The following ASTN1 variants were observed in gnomAD, a reference collection of about 807,000 sequenced individuals.
ASTN1 encodes astrotactin 1, also known as astrotactin-1.
In ASTN1, 41 loss-of-function variants were observed where a neutral mutation model predicts 140.7. The ratio of observed to expected loss-of-function variants is 0.29; its 90% CI spans 0.23 to 0.38. The LOEUF is 0.38. Ranked by LOEUF, ASTN1 falls within the 10% of genes least tolerant of loss-of-function variation. The pLI is 1.00. For missense variants in ASTN1, 1,479 were observed against 1,678.8 expected, an observed-to-expected ratio of 0.88 and a Z score of 2.08; for synonymous variants, 640 against 652.2, an observed-to-expected ratio of 0.98 and a Z score of 0.29.
intron 8 of ASTN1, among the ~76,000 whole-genome samples, chr1:176,994,537 T>C (rs1328883399): frequency 6.6e-6 from 1 of 152,126 alleles, no homozygotes; most frequent in Non-Finnish European, 1.5e-5. Flanking sequence ...GAGATAGGGT[T>C]TCATCATGTT....
chr1:176,877,975 A>G (rs1668633521), intron 20 of ASTN1, among the ~76,000 whole-genome samples: 1 of 152,170 alleles, frequency 6.6e-6, no homozygotes, highest in Non-Finnish European at 1.5e-5. Flanking sequence ...AGAAAAGACA[A>G]CCATGGCCCA....
chr1:177,146,202 G>A (rs13375301), intron 1 of ASTN1, among the ~76,000 whole-genome samples: 24,606 of 152,052 alleles, frequency 0.16, 4,095 homozygotes, highest in African/African-American at 0.43. Flanking sequence ...GAAGACAGAT[G>A]GATACTCATC....
At chr1:177,028,727 T>C (rs1479044575) in intron 5 of ASTN1, among the ~76,000 whole-genome samples, 1 of 152,184 alleles carries the variant, frequency 6.6e-6, no homozygotes, top group Non-Finnish European at 1.5e-5. Context: ...ACAGCAACAA[T>C]AGGGATTTCA....
intron 2 of ASTN1, 47 bp downstream of exon 2, chr1:177,061,031 G>A: frequency 6.9e-7 from 1 of 1,448,518 alleles, no homozygotes; most frequent in African/African-American, 1.4e-5. Flanking sequence ...TTAATGTCAA[G>A]GTAACATAAG....
chr1:177,087,949 C>T (rs998775827), intron 1 of ASTN1, among the ~76,000 whole-genome samples: 1 of 152,224 alleles, frequency 6.6e-6, no homozygotes, highest in Non-Finnish European at 1.5e-5. Context: ...GGCTGCATTT[C>T]AGCACCAGCT....
intron 1 of ASTN1, among the ~76,000 whole-genome samples, chr1:177,124,505 G>A (rs1452747516): frequency 6.6e-6 from 1 of 152,150 alleles, no homozygotes; most frequent in Non-Finnish European, 1.5e-5. Context: ...GCTTCATGGC[G>A]CTTTGGCTAA....
In ASTN1 at chr1:177,088,049, C is replaced by T. The variant is rs1679565304; in HGVS notation, c.284-26784G>A. 2.0e-5 allele frequency among the ~76,000 whole-genome samples: 3 copies of T among 152,200 alleles called. No individual in the cohort carries two copies. In the South Asian group the frequency reaches 6.2e-4, roughly 32 times the overall value. Reference sequence around the variant, plus strand: ...GTGTACCTGTAAGGTATTATCATCACCTAATCTTTTTCTACCTTCAACTCC... The same window carrying T: ...GTGTACCTGTAAGGTATTATCATCATCTAATCTTTTTCTACCTTCAACTCC... On this transcript the variant is annotated intron_variant, in intron 1 of 22. Coordinates refer to ENST00000361833, the MANE Select transcript of ASTN1 (RefSeq NM_004319.3).
chr1:176,957,944 TA>T (rs1246024042), intron 10 of ASTN1, 116 bp from the exon 11 acceptor site: 69 of 1,302,712 alleles, frequency 5.3e-5, no homozygotes, highest in Non-Finnish European at 6.9e-5. Flanking sequence ...CTCTGTCTTA[TA>T]AAAATTGAAG....
intron 1 of ASTN1, among the ~76,000 whole-genome samples, chr1:177,071,377 G>C (rs1384097843): frequency 1.3e-5 from 2 of 152,176 alleles, no homozygotes; most frequent in South Asian, 4.1e-4. Flanking sequence ...TCAGGGAAGA[G>C]GGAAGGAGCA....
chr1:177,143,640 A>G (rs1395151855), intron 1 of ASTN1, among the ~76,000 whole-genome samples: 1 of 152,244 alleles, frequency 6.6e-6, no homozygotes, highest in Non-Finnish European at 1.5e-5. Context: ...ACTTGAAATG[A>G]AAGTCACTTT....
Position 176,949,295 on chromosome 1 carries a change from G to C in ASTN1, c.1944C>G (p.Ile648Met), listed in dbSNP as rs1384820666. The part of the protein sequence containing the change: ...KDSSGCYDRH[I>M]GVDCSDGFNG... ...TGAAGCCGTCGGAACAGTCCACCCC[G>C]ATGTGGCGGTCATAGCAGCCAGAGC... is the stretch of plus-strand genomic sequence containing the variant. Residue 648 changes from isoleucine to methionine, a missense_variant, in exon 12 of 23, where the codon ATC becomes ATG. By Grantham distance (10) the Ile-to-Met change is conservative. Coordinates refer to ENST00000361833, the MANE Select transcript of ASTN1 (RefSeq NM_004319.3). The C allele has an allele frequency of 1.9e-6, 3 of 1,614,000 alleles. No homozygotes were observed. The highest frequency in any genetic ancestry group is 2.5e-6 in the Non-Finnish European group (3 of 1,180,026).
intron 13 of ASTN1, among the ~76,000 whole-genome samples, chr1:176,945,654 G>T (rs760046812): frequency 6.6e-6 from 1 of 152,268 alleles, no homozygotes; most frequent in South Asian, 2.1e-4. Context: ...GAGCATTTTC[G>T]TGTGGGCTTC....
chr1:176,937,551 A>G (rs897538657), intron 14 of ASTN1, among the ~76,000 whole-genome samples: 1 of 152,148 alleles, frequency 6.6e-6, no homozygotes, highest in Non-Finnish European at 1.5e-5. Context: ...AGCCATTACT[A>G]TAAATATAAA....
intron 1 of ASTN1, among the ~76,000 whole-genome samples, chr1:177,153,202 G>C (rs1683111251): frequency 6.6e-6 from 1 of 152,074 alleles, no homozygotes; most frequent in Non-Finnish European, 1.5e-5. Flanking sequence ...TTCCCTCTAA[G>C]AGCTGGTTGT....
At chr1:177,125,722 A>G (rs1281833999) in intron 1 of ASTN1, among the ~76,000 whole-genome samples, 1 of 152,190 alleles carries the variant, frequency 6.6e-6, no homozygotes, top group East Asian at 1.9e-4. Flanking sequence ...TGGGACCTCA[A>G]TCTCAAAAAG....
intron 1 of ASTN1, among the ~76,000 whole-genome samples, chr1:177,143,799 C>T (rs981386057): frequency 1.3e-5 from 2 of 151,960 alleles, no homozygotes; most frequent in African/African-American, 4.8e-5. Context: ...AGTTTTAAAA[C>T]GATACCTCAA....
At chr1:177,081,902 G>A (rs1405259026) in intron 1 of ASTN1, among the ~76,000 whole-genome samples, 1 of 152,170 alleles carries the variant, frequency 6.6e-6, no homozygotes, top group Middle Eastern at 3.2e-3. Context: ...CAGAGGAGAA[G>A]TGAAAGGGGA....
At chr1:176,888,341 T>C (rs745950386) in intron 17 of ASTN1, 137 bp from the exon 18 acceptor site, 13 of 1,030,960 alleles carry the variant, frequency 1.3e-5, no homozygotes, top group Non-Finnish European at 1.8e-5. Flanking sequence ...TTTATCATTG[T>C]CTCAAATTCT....
intron 14 of ASTN1, 23 bp from the exon 15 acceptor site, chr1:176,936,393 C>A (rs1482684517): frequency 6.3e-7 from 1 of 1,582,160 alleles, no homozygotes. Flanking sequence ...GAGATGTAAG[C>A]TGAGTTCTGA....
Sources: allele counts gnomAD v4.1 joint callset (sites outside exome capture counted in the v4.1 genomes callset), GRCh38; gene constraint gnomAD v4.1.1; transcripts MANE v1.5; gene names NCBI Gene and HGNC (gene_info 2026-07-23, HGNC 2026-07-21).